The following ELAPOR2 variants were observed in gnomAD, a reference collection of about 807,000 sequenced individuals.
The protein encoded by ELAPOR2 is endosome/lysosome-associated apoptosis and autophagy regulator family member 2.
ELAPOR2 carries 89 observed loss-of-function variants against 120.7 expected under a neutral mutation model. The observed-to-expected ratio is 0.74, with a 90% CI of 0.62 to 0.88. ELAPOR2 has a LOEUF of 0.88. ELAPOR2 is among the 40% of genes least tolerant of loss of function. ELAPOR2 has a pLI of 0.00. For missense variants in ELAPOR2, 1,134 were observed against 1,251.6 expected (o/e 0.91, Z 1.42); for synonymous variants, 444 against 444.9 (o/e 1.00, Z 0.03).
Position 86,983,424 on chromosome 7 carries a change from G to A in ELAPOR2, c.190-18400C>T, listed in dbSNP as rs186653292. On this transcript the variant is annotated intron_variant, in intron 1 of 21. Transcript: ENST00000450689. ...GTTGAAATGAAGGAAAAAATGTTAA[G>A]GGCAGCCAGAGAGAAGGTCGGGTTA... Among the ~76,000 whole-genome samples, 350 of 151,134 alleles carry A rather than the reference G, an allele frequency of 2.3e-3. 6 individuals carry two copies. The East Asian group carries it at 0.048, about 21-fold the overall frequency.
At chr7:86,918,330 A>T in intron 12 of ELAPOR2, 112 bp downstream of exon 12, 1 of 444,398 alleles carries the variant, frequency 2.3e-6, no homozygotes, top group Non-Finnish European at 4.0e-6. Flanking sequence ...TAGCAAAAAA[A>T]AAAAAAAAAA....
chr7:86,950,520 C>A (rs1029465399), intron 2 of ELAPOR2, among the ~76,000 whole-genome samples: 1 of 152,198 alleles, frequency 6.6e-6, no homozygotes, highest in African/African-American at 2.4e-5. Context: ...CCACCATATT[C>A]CCCGGTGCCA....
chr7:87,054,141 AAAAGG>A (rs1346153045), intron 1 of ELAPOR2, among the ~76,000 whole-genome samples: 2 of 152,206 alleles, frequency 1.3e-5, no homozygotes, highest in East Asian at 3.8e-4. Context: ...ATGAAAGGCA[AAAAGG>A]AAAGAGAATA....
intron 1 of ELAPOR2, among the ~76,000 whole-genome samples, chr7:87,058,204 G>C (rs116020704): frequency 0.016 from 2,503 of 152,224 alleles, 72 homozygotes; most frequent in African/African-American, 0.056. Flanking sequence ...TGGATGATGT[G>C]TAGAACACAG....
chr7:87,026,192 T>C (rs904291441), intron 1 of ELAPOR2, among the ~76,000 whole-genome samples: 4 of 151,992 alleles, frequency 2.6e-5, no homozygotes, highest in African/African-American at 4.8e-5. Context: ...CAGAGGAAGA[T>C]TGAATTTAGG....
At chr7:87,031,869 A>C (rs1417854591) in intron 1 of ELAPOR2, among the ~76,000 whole-genome samples, 1 of 152,190 alleles carries the variant, frequency 6.6e-6, no homozygotes, top group Non-Finnish European at 1.5e-5. Flanking sequence ...AACTTGATAC[A>C]CACCACAATG....
intron 1 of ELAPOR2, among the ~76,000 whole-genome samples, chr7:87,054,781 T>A (rs1376634119): frequency 1.3e-5 from 2 of 152,210 alleles, no homozygotes; most frequent in Admixed American, 6.5e-5. Flanking sequence ...CACCATCCCA[T>A]AGGAAACACT....
chr7:86,904,422 T>C (rs763564271), intron 18 of ELAPOR2, among the ~76,000 whole-genome samples: 21 of 152,312 alleles, frequency 1.4e-4, no homozygotes, highest in Admixed American at 1.2e-3. Context: ...TATTAATATT[T>C]AGGAATATCA....
At chr7:86,919,096 C>T (rs1004645480) in intron 11 of ELAPOR2, 124 bp downstream of exon 11, 4 of 609,168 alleles carry the variant, frequency 6.6e-6, no homozygotes, top group Non-Finnish European at 1.1e-5. Flanking sequence ...CCTGTGACAG[C>T]TTGTTATTTA....
chr7:86,983,030 C>T (rs534322769), intron 1 of ELAPOR2, among the ~76,000 whole-genome samples: 2 of 152,112 alleles, frequency 1.3e-5, no homozygotes, highest in African/African-American at 2.4e-5. Context: ...ACGAGAATGA[C>T]GTGACACATG....
At chr7:86,994,201 G>A (rs1035440363) in intron 1 of ELAPOR2, among the ~76,000 whole-genome samples, 3 of 152,080 alleles carry the variant, frequency 2.0e-5, no homozygotes, top group African/African-American at 7.2e-5. Flanking sequence ...CAGAGGGAAG[G>A]GCAAAAACAT....
intron 18 of ELAPOR2, among the ~76,000 whole-genome samples, chr7:86,907,456 T>A (rs1447506743): frequency 6.6e-6 from 1 of 151,634 alleles, no homozygotes; most frequent in Non-Finnish European, 1.5e-5. Context: ...GACAAGAATA[T>A]GTCATACAAG....
chr7:86,908,491 G>A lies in ELAPOR2; in HGVS notation c.2412C>T (p.Phe804=), dbSNP rs772199461. Residue 804 remains phenylalanine (F), a synonymous_variant, in exon 17 of 22, where the codon TTC becomes TTT. Transcript: ENST00000450689. The stretch of plus-strand genomic sequence containing the variant: ...CTGGTATTTGGCTTGTTGGAACTGG[G>A]AACATATCTTCTTTTATATTAATAT... ...LKNINIKEDM[F]PVPTSQIPDV... The A allele has an allele frequency of 1.9e-6, 3 of 1,586,266 alleles. No individual in the cohort carries two copies. The highest frequency in any genetic ancestry group is 2.6e-6 in the Non-Finnish European group (3 of 1,165,498).
At chr7:86,903,441 A>G (rs532585806) in intron 18 of ELAPOR2, among the ~76,000 whole-genome samples, 1 of 152,338 alleles carries the variant, frequency 6.6e-6, no homozygotes, top group African/African-American at 2.4e-5. Context: ...CTGTCTATAA[A>G]TTGTTCTAGG....
At chr7:86,999,978 GC>G (rs1325817428) in intron 1 of ELAPOR2, among the ~76,000 whole-genome samples, 1 of 152,012 alleles carries the variant, frequency 6.6e-6, no homozygotes, top group African/African-American at 2.4e-5. Context: ...GCCATATGGA[GC>G]CCCCTGAATT....
In ELAPOR2 at chr7:87,059,383, G is replaced by C; in HGVS notation, c.131C>G (p.Ala44Gly). Residue 44 changes from alanine to glycine, a missense_variant, in exon 1 of 22, where the codon GCG becomes GGG. Ala to Gly is a moderately conservative substitution (Grantham distance 60, BLOSUM62 0). Around this residue, in one of 3 missense-constraint regions of ELAPOR2, gnomAD observed 280 missense variants for 331.5 expected, o/e 0.84. Coordinates refer to ENST00000450689, the MANE Select transcript of ELAPOR2 (RefSeq NM_001142749.3). The part of the protein sequence containing the change: ...ICCWALAGCQ[A>G]AWAGDLPSSS... ...GGAGGGCAGGTCCCCAGCCCAGGCC[G>C]CCTGGCAGCCGGCGAGCGCCCAGCA... 4.0e-6 allele frequency: 5 copies of C among 1,244,614 alleles called. No homozygotes were observed. The highest frequency in any genetic ancestry group is 1.6e-5 in the African/African-American group (1 of 64,478). 77.1% of individuals were successfully genotyped at this position (1,244,614 alleles called of 1,614,324 possible).
chr7:86,907,027 C>T (rs1005295738), intron 18 of ELAPOR2, among the ~76,000 whole-genome samples: 30 of 152,098 alleles, frequency 2.0e-4, no homozygotes, highest in Non-Finnish European at 3.5e-4. Flanking sequence ...TCTGAGCCTA[C>T]AAAATTGTTT....
intron 1 of ELAPOR2, among the ~76,000 whole-genome samples, chr7:87,014,598 C>T (rs181486829): frequency 4.7e-4 from 72 of 152,174 alleles, no homozygotes; most frequent in Middle Eastern, 3.4e-3. Context: ...AAAAATGTGA[C>T]GCTTAAAGAA....
chr7:86,997,591 C>T (rs1434381127), intron 1 of ELAPOR2, among the ~76,000 whole-genome samples: 1 of 152,180 alleles, frequency 6.6e-6, no homozygotes, highest in Non-Finnish European at 1.5e-5. Flanking sequence ...CCATTAATAA[C>T]ACCTTCACTT....
Sources: allele counts gnomAD v4.1 joint callset (sites outside exome capture counted in the v4.1 genomes callset), GRCh38; gene constraint gnomAD v4.1.1; regional missense constraint gnomAD v4.1.1; transcripts MANE v1.5; gene names NCBI Gene and HGNC (gene_info 2026-07-23, HGNC 2026-07-21).